Variants in CTNNA1 observed in about 807,000 individuals in gnomAD.
CTNNA1 encodes the protein catenin alpha 1, also known as catenin alpha-1.
In CTNNA1, 37 loss-of-function variants were observed where a neutral mutation model predicts 98.4. That is an observed-to-expected ratio of 0.38 (90% confidence interval 0.29 to 0.49). The LOEUF (loss-of-function observed/expected upper bound fraction) is 0.49. CTNNA1 is among the 20% of genes least tolerant of loss of function. CTNNA1 has a pLI of 0.95. For synonymous variants in CTNNA1, 404 were observed against 413.2 expected, an observed-to-expected ratio of 0.98 and a Z score of 0.27; for missense variants, 761 against 1,147.2, an observed-to-expected ratio of 0.66 and a Z score of 4.86.
intron 9 of CTNNA1, among the ~76,000 whole-genome samples, chr5:138,892,257 T>C (rs1581518758): frequency 6.7e-6 from 1 of 149,668 alleles, no homozygotes; most frequent in East Asian, 2.0e-4. Flanking sequence ...GGTTAACACA[T>C]ACTTACATAT....
intron 1 of CTNNA1, among the ~76,000 whole-genome samples, chr5:138,764,410 T>C (rs1351840076): frequency 1.3e-5 from 2 of 151,614 alleles, no homozygotes; most frequent in Non-Finnish European, 2.9e-5. Flanking sequence ...GGTAACTAAG[T>C]GAAATGTGAG....
intron 6 of CTNNA1, among the ~76,000 whole-genome samples, chr5:138,826,199 G>A (rs1760701662): frequency 6.6e-6 from 1 of 152,150 alleles, no homozygotes; most frequent in Admixed American, 6.5e-5. Flanking sequence ...TGAACTGAAG[G>A]TATTGCATGT....
intron 7 of CTNNA1, among the ~76,000 whole-genome samples, chr5:138,877,009 G>A (rs1330456538): frequency 1.3e-5 from 2 of 152,218 alleles, no homozygotes; most frequent in African/African-American, 4.8e-5. Flanking sequence ...AAGGGACAGA[G>A]GAAGCAAAGA....
intron 11 of CTNNA1, among the ~76,000 whole-genome samples, chr5:138,922,813 ATTAC>A: frequency 6.6e-6 from 1 of 152,010 alleles, no homozygotes; most frequent in South Asian, 2.1e-4. Flanking sequence ...GGTAGAGAAT[ATTAC>A]TTTGGTCAGC....
At chr5:138,787,872 C>T (rs1755887738) in intron 3 of CTNNA1, among the ~76,000 whole-genome samples, 1 of 152,134 alleles carries the variant, frequency 6.6e-6, no homozygotes, top group African/African-American at 2.4e-5. Context: ...AATTCACGTA[C>T]ATAAAAACAG....
At chr5:138,765,746 C>T (rs1157291079) in intron 1 of CTNNA1, among the ~76,000 whole-genome samples, 5 of 151,472 alleles carry the variant, frequency 3.3e-5, no homozygotes, top group East Asian at 2.0e-4. Context: ...GTCAAGAGAT[C>T]GAGACCATAC....
At chr5:138,924,370 G>C in intron 11 of CTNNA1, 140 bp from the exon 12 acceptor site, 3 of 693,514 alleles carry the variant, frequency 4.3e-6, no homozygotes, top group Non-Finnish European at 4.9e-6. Context: ...CTAGTCACTG[G>C]TCTCTCCAAT....
chr5:138,771,406 A>G (rs1753538134), intron 1 of CTNNA1, among the ~76,000 whole-genome samples: 3 of 152,226 alleles, frequency 2.0e-5, no homozygotes, highest in South Asian at 2.1e-4. Flanking sequence ...TTTTTGAAAC[A>G]GAATCTCCCC....
At chr5:138,858,377 T>C (rs948217687) in intron 7 of CTNNA1, among the ~76,000 whole-genome samples, 7 of 152,086 alleles carry the variant, frequency 4.6e-5, no homozygotes, top group Non-Finnish European at 7.4e-5. Context: ...TCCTCCCACC[T>C]TGGCTTCCCA....
intron 7 of CTNNA1, among the ~76,000 whole-genome samples, chr5:138,857,627 T>A (rs1344125284): frequency 6.6e-6 from 1 of 152,192 alleles, no homozygotes; most frequent in Non-Finnish European, 1.5e-5. Flanking sequence ...TTAAGTGCCT[T>A]CCTATTTTCT....
At chr5:138,792,987 C>CT (rs1427512921) in intron 3 of CTNNA1, among the ~76,000 whole-genome samples, 1 of 152,084 alleles carries the variant, frequency 6.6e-6, no homozygotes, top group Non-Finnish European at 1.5e-5. Flanking sequence ...GTTTTCTCCT[C>CT]TTATTTTTGT....
chr5:138,855,631 A>G (rs1009343637), intron 7 of CTNNA1, among the ~76,000 whole-genome samples: 3 of 152,138 alleles, frequency 2.0e-5, no homozygotes, highest in Non-Finnish European at 2.9e-5. Context: ...GGAGTCTACA[A>G]TTTTGTACGG....
At chr5:138,803,343 A>G (rs1478469992) in intron 3 of CTNNA1, among the ~76,000 whole-genome samples, 1 of 152,006 alleles carries the variant, frequency 6.6e-6, no homozygotes, top group Non-Finnish European at 1.5e-5. Context: ...ATTTGTAGAG[A>G]TGAGGTCTCA....
chr5:138,872,890 C>G, intron 7 of CTNNA1: 1 of 627,112 alleles, frequency 1.6e-6, no homozygotes, highest in Non-Finnish European at 2.6e-6. Context: ...AAAACTAAGT[C>G]TCCACTTAGT....
rs762409434 is a variant in CTNNA1 at position 138,934,133 on chromosome 5, A to G, written c.*44A>G. 2.1e-6 allele frequency: 3 copies of G among 1,459,166 alleles called. No homozygotes were observed. Among genetic ancestry groups the G allele is most frequent in the African/African-American group, 1.4e-5 (1 of 71,622 alleles). 90.4% of individuals were successfully genotyped at this position (1,459,166 alleles called of 1,614,324 possible). On this transcript the variant is annotated 3_prime_UTR_variant, in exon 18 of 18. Transcript: ENST00000302763. ...CCCCCACCCCTCGGGGCTCCTGAAT[A>G]TCAGTCACTGTTCGTCACTCAAATG...
At chr5:138,781,382 C>T (rs1285276711) in intron 1 of CTNNA1, among the ~76,000 whole-genome samples, 7 of 151,968 alleles carry the variant, frequency 4.6e-5, no homozygotes, top group East Asian at 1.9e-4. Context: ...GGTGAAACCC[C>T]GTCTCTACTA....
chr5:138,788,702 G>A (rs760009259), intron 3 of CTNNA1, among the ~76,000 whole-genome samples: 5 of 152,180 alleles, frequency 3.3e-5, no homozygotes, highest in South Asian at 2.1e-4. Flanking sequence ...CTCTTAAGCC[G>A]GATAGGGGAC....
chr5:138,819,959 C>T (rs777374441), intron 5 of CTNNA1, among the ~76,000 whole-genome samples: 9 of 151,936 alleles, frequency 5.9e-5, no homozygotes, highest in Non-Finnish European at 8.8e-5. Context: ...TCCTCCTGCT[C>T]TCGCCATGTA....
At chr5:138,810,227 G>A (rs775912588) in intron 4 of CTNNA1, 23 bp downstream of exon 4, 1 of 1,600,534 alleles carries the variant, frequency 6.2e-7, no homozygotes, top group South Asian at 1.1e-5. Flanking sequence ...GCCTATGTCT[G>A]TAATTTGTTC....
Sources: gnomAD v4.1 joint callset for allele counts (sites outside exome capture counted in the v4.1 genomes callset) on GRCh38, gnomAD v4.1.1 for gene constraint, MANE v1.5 for transcripts, NCBI Gene and HGNC (gene_info 2026-07-23, HGNC 2026-07-21) for gene names.